The following ST7L variants were observed in gnomAD, a reference collection of about 807,000 sequenced individuals.
ST7L encodes the protein suppressor of tumorigenicity 7 protein-like.
A neutral mutation model predicts 72.5 loss-of-function variants in ST7L; 57 were observed. The observed-to-expected ratio is 0.79, with a 90% CI of 0.64 to 0.98. The LOEUF (loss-of-function observed/expected upper bound fraction) is 0.98, where lower values mean the gene tolerates loss of function less well. Ranked by LOEUF, ST7L falls within the 50% of genes least tolerant of loss-of-function variation. ST7L has a pLI of 0.00. For missense variants in ST7L, 576 were observed against 672.2 expected (o/e 0.86, Z 1.58); for synonymous variants, 221 against 240.9 (o/e 0.92, Z 0.77).
At chr1:112,595,370 GAAAAA>G (rs67553307) in intron 5 of ST7L, among the ~76,000 whole-genome samples, 4 of 51,998 alleles carry the variant, frequency 7.7e-5, no homozygotes, top group Admixed American at 2.3e-4. Flanking sequence ...GGTCTCAAAA[GAAAAA>G]AAAAAAAAAA....
At chr1:112,615,386 AT>A (rs1396739792) in intron 2 of ST7L, among the ~76,000 whole-genome samples, 1 of 152,166 alleles carries the variant, frequency 6.6e-6, no homozygotes, top group Admixed American at 6.5e-5. Context: ...ACATTATCTG[AT>A]TTACTCTTCA....
intron 12 of ST7L, among the ~76,000 whole-genome samples, chr1:112,554,770 G>A (rs1434287325): frequency 6.6e-6 from 1 of 152,108 alleles, no homozygotes; most frequent in African/African-American, 2.4e-5. Context: ...TAAAAAAAAT[G>A]TGATATATAC....
chr1:112,609,334 C>T (rs1668714158), intron 3 of ST7L, among the ~76,000 whole-genome samples: 1 of 151,546 alleles, frequency 6.6e-6, no homozygotes, highest in African/African-American at 2.4e-5. Flanking sequence ...GAGTTCAAGA[C>T]CAGCCTGGCC....
chr1:112,554,034 G>A (rs549670910), intron 12 of ST7L, among the ~76,000 whole-genome samples: 1 of 152,214 alleles, frequency 6.6e-6, no homozygotes. Flanking sequence ...ATATTGTATT[G>A]TGTTTCCATT....
chr1:112,542,782 AATAAATAC>A (rs1341778021), intron 13 of ST7L, among the ~76,000 whole-genome samples: 1 of 125,212 alleles, frequency 8.0e-6, no homozygotes, highest in African/African-American at 2.8e-5. Flanking sequence ...TAAATAAATA[AATAAATAC>A]ATTTGAGTTG....
chr1:112,542,235 C>G (rs1460426677), intron 13 of ST7L, 145 bp from the exon 14 acceptor site: 6 of 758,162 alleles, frequency 7.9e-6, no homozygotes, highest in Non-Finnish European at 9.9e-6. Context: ...AGGTAGAAGA[C>G]AGTTATCCAT....
At chr1:112,562,100 G>A (rs181936083) in intron 11 of ST7L, among the ~76,000 whole-genome samples, 1 of 151,836 alleles carries the variant, frequency 6.6e-6, no homozygotes, top group East Asian at 1.9e-4. Context: ...CTTAGTAGCT[G>A]GGACTGTAGG....
chr1:112,567,774 T>C (rs115985302), intron 11 of ST7L, among the ~76,000 whole-genome samples: 45 of 152,170 alleles, frequency 3.0e-4, no homozygotes, highest in African/African-American at 1.0e-3. Flanking sequence ...GTGAATGTTT[T>C]GTCACATATA....
intron 3 of ST7L, among the ~76,000 whole-genome samples, chr1:112,601,380 AG>A (rs1667364565): frequency 6.6e-6 from 1 of 152,000 alleles, no homozygotes; most frequent in African/African-American, 2.4e-5. Flanking sequence ...CGAGTAGCTG[AG>A]ACGACAGGCG....
At chr1:112,559,732 G>C (rs900814328) in intron 11 of ST7L, among the ~76,000 whole-genome samples, 45 of 151,956 alleles carry the variant, frequency 3.0e-4, no homozygotes, top group Non-Finnish European at 1.9e-4. Context: ...TGTAATCCCA[G>C]TACTTTGAGA....
chr1:112,547,735 TG>T (rs1056174804), intron 13 of ST7L, among the ~76,000 whole-genome samples: 28 of 151,328 alleles, frequency 1.9e-4, no homozygotes, highest in Non-Finnish European at 3.8e-4. Flanking sequence ...GCTAATTTTT[TG>T]TAGTTTTAGT....
chr1:112,549,434 A>G (rs973055646), intron 13 of ST7L, among the ~76,000 whole-genome samples: 1 of 152,078 alleles, frequency 6.6e-6, no homozygotes, highest in Non-Finnish European at 1.5e-5. Context: ...CCAATCCATC[A>G]ACATGGAATG....
At chr1:112,595,104 G>A (rs186054931) in intron 5 of ST7L, among the ~76,000 whole-genome samples, 144 of 152,064 alleles carry the variant, frequency 9.5e-4, no homozygotes, top group African/African-American at 3.2e-3. Context: ...GGTCGCTCAC[G>A]CCTGTAATCC....
chr1:112,534,373 T>C (rs955867957), intron 14 of ST7L, among the ~76,000 whole-genome samples: 4 of 152,246 alleles, frequency 2.6e-5, no homozygotes, highest in Admixed American at 6.5e-5. Context: ...TTTAGGCACA[T>C]CACTTAACTT....
At chr1:112,591,869 TG>T (rs1665776536) in intron 5 of ST7L, among the ~76,000 whole-genome samples, 1 of 152,158 alleles carries the variant, frequency 6.6e-6, no homozygotes, top group Non-Finnish European at 1.5e-5. Flanking sequence ...ATCATTATTA[TG>T]TATGAACATT....
intron 14 of ST7L, chr1:112,529,876 T>C (rs1654094997): frequency 6.6e-6 from 1 of 152,096 alleles, no homozygotes; most frequent in South Asian, 2.1e-4. Flanking sequence ...GGGAACCTAA[T>C]GTTAGCAGAC....
At chr1:112,521,066 CAT>C (rs139624875), downstream of ST7L, 2,023 of 154,740 alleles carry the variant, frequency 0.013, 56 homozygotes, top group African/African-American at 0.047. Flanking sequence ...TTCACATGCT[CAT>C]ATGTTTATAA....
chr1:112,523,077 A>T (rs1652966292), downstream of ST7L: 1 of 152,230 alleles, frequency 6.6e-6, no homozygotes, highest in South Asian at 2.1e-4. Flanking sequence ...TGTTCTCACA[A>T]GAACATGCAG....
At chr1:112,603,610 CTTG>C (rs1339521632) in intron 3 of ST7L, among the ~76,000 whole-genome samples, 1 of 152,198 alleles carries the variant, frequency 6.6e-6, no homozygotes. Context: ...TGAACTTTTT[CTTG>C]TTGTGGGAAA....
Sources: gnomAD v4.1 joint callset for allele counts (sites outside exome capture counted in the v4.1 genomes callset) on GRCh38, gnomAD v4.1.1 for gene constraint, MANE v1.5 for transcripts, NCBI Gene and HGNC (gene_info 2026-07-23, HGNC 2026-07-21) for gene names.